The following MAPK7 variants were observed in gnomAD, a reference collection of about 807,000 sequenced individuals.
MAPK7 encodes BMK-1.
MAPK7 carries 30 observed loss-of-function variants against 56.9 expected under a neutral mutation model. The ratio of observed to expected loss-of-function variants is 0.53; its 90% CI spans 0.39 to 0.72. The LOEUF (loss-of-function observed/expected upper bound fraction) is 0.72. Ranked by LOEUF, MAPK7 falls within the 30% of genes least tolerant of loss-of-function variation. The probability of loss-of-function intolerance (pLI) is 0.00; values close to 1 mark genes in which losing one functional copy is unlikely to be tolerated. For synonymous variants in MAPK7, 516 were observed against 449.3 expected (o/e 1.15, Z -1.88); for missense variants, 952 against 1,110.8 (o/e 0.86, Z 2.03).
chr17:19,378,508 A>G lies in MAPK7; in HGVS notation c.-128A>G, dbSNP rs751221795. 9.1e-7 allele frequency: 1 copy of G among 1,093,670 alleles called. No individual in the cohort carries two copies. Among genetic ancestry groups the G allele is most frequent in the Non-Finnish European group, 1.1e-6 (1 of 895,104 alleles). 67.7% of individuals were successfully genotyped at this position (1,093,670 alleles called of 1,614,324 possible). ...CGGAGGGGGACGGACAGGGCAGCTC[A>G]AGACGCTGAGGTGGTGGCTGCGGCC... On this transcript the variant is annotated 5_prime_UTR_variant, in exon 1 of 7. Coordinates refer to ENST00000395604, the MANE Select transcript of MAPK7 (RefSeq NM_002749.4). This position sits in a 1 kb window ranked among gnomAD's most constrained non-coding sequence, Gnocchi z 5.4.
chr17:19,381,076 G>C lies in MAPK7; in HGVS notation c.867G>C (p.Val289=), dbSNP rs768825076. The C allele has an allele frequency of 8.1e-6, 13 of 1,613,972 alleles. No homozygotes were observed. The highest frequency in any genetic ancestry group is 1.3e-5 in the African/African-American group (1 of 74,940). The change falls in exon 4 of 7, where the codon GTG becomes GTC. Residue 289 remains valine (V), a synonymous_variant. Transcript: ENST00000395604. This position sits in a 1 kb window ranked among gnomAD's most constrained non-coding sequence, Gnocchi z 4.6. Reference sequence around the variant, plus strand: ...CATCACCAGCCGTGATTCAGGCTGTGGGGGCTGAGAGGGTGCGGGCCTATA... The same window carrying C: ...CATCACCAGCCGTGATTCAGGCTGTCGGGGCTGAGAGGGTGCGGGCCTATA... ...GTPSPAVIQA[V]GAERVRAYIQ... is the part of the protein sequence containing the mutation.
Position 19,382,259 on chromosome 17 carries a change from C to A in MAPK7, c.1956C>A (p.Pro652=). ...GCCCTCCTGGGCCCATCCCTGTCCC[C>A]GCGCCACCCCAGATTGCCACCTCCA... ...PTGPPGPIPV[P]APPQIATSTS... The change falls in exon 5 of 7, where the codon CCC becomes CCA. Residue 652 remains proline, a synonymous_variant. Coordinates refer to ENST00000395604, the MANE Select transcript of MAPK7 (RefSeq NM_002749.4). 1 of 1,612,330 alleles carries A rather than the reference C, an allele frequency of 6.2e-7. No homozygotes were observed. The highest frequency in any genetic ancestry group is 1.1e-5 in the South Asian group (1 of 91,030).
At position 19,382,345 on chromosome 17, in the gene MAPK7, C is replaced by G. The variant is rs1912782369; in HGVS notation, c.2042C>G (p.Pro681Arg). The change falls in exon 5 of 7, where the codon CCA (proline) becomes CGA (arginine). Residue 681 changes from proline to arginine, a missense_variant. Around this residue, in one of 5 missense-constraint regions of MAPK7, gnomAD observed 234 missense variants for 210.4 expected, o/e 1.11. Coordinates refer to ENST00000395604, the MANE Select transcript of MAPK7 (RefSeq NM_002749.4). The stretch of plus-strand genomic sequence containing the variant: ...CCTGGGCTGCCTGGCTCCAGCACCC[C>G]AGGAGTTTTGCCTTACTTCCCACCT... ...PPPGLPGSST[P>R]GVLPYFPPGL... is the part of the protein sequence containing the mutation. 2 of 1,613,510 alleles carry G rather than the reference C, an allele frequency of 1.2e-6. No individual in the cohort carries two copies. Among genetic ancestry groups the G allele is most frequent in the Non-Finnish European group, 1.7e-6 (2 of 1,180,028 alleles).
chr17:19,378,660 C>A lies in MAPK7; in HGVS notation c.-6+30C>A. The A allele has an allele frequency of 7.1e-7, 1 of 1,406,886 alleles. No individual in the cohort carries two copies. Among genetic ancestry groups the A allele is most frequent in the Non-Finnish European group, 9.2e-7 (1 of 1,084,262 alleles). 87.2% of individuals were successfully genotyped at this position (1,406,886 alleles called of 1,614,324 possible). On this transcript the variant is annotated intron_variant, in intron 1 of 6. Transcript: ENST00000395604. This position sits in a 1 kb window ranked among gnomAD's most constrained non-coding sequence, Gnocchi z 5.4. ...GTGCGGCCCTGAGGAAACCCAGGTG[C>A]CCCGCCCCTCCCTTTCTTCCTGGCC...
Position 19,381,357 on chromosome 17 carries a change from C to G in MAPK7, c.1148C>G (p.Ala383Gly). ...TRERIKEAIV[A>G]EIEDFHARRE... ...GAGCGCATTAAGGAGGCCATTGTGG[C>G]TGAAATTGAGGACTTCCATGCAAGG... The change falls in exon 4 of 7, where the codon GCT becomes GGT. Residue 383 changes from alanine to glycine, a missense_variant. By Grantham distance (60) the Ala-to-Gly change is moderately conservative. Transcript: ENST00000395604. The surrounding 1 kb of genome is among the most constrained non-coding windows in gnomAD (Gnocchi z 4.6). 6.2e-7 allele frequency: 1 copy of G among 1,614,152 alleles called. No individual in the cohort carries two copies. The highest frequency in any genetic ancestry group is 8.5e-7 in the Non-Finnish European group (1 of 1,180,038).
chr17:19,379,228 G>A (rs529303114), intron 2 of MAPK7, 96 bp downstream of exon 2: 4 of 1,110,744 alleles, frequency 3.6e-6, no homozygotes, highest in African/African-American at 1.5e-5. Context: ...AGCGGGGTGC[G>A]AGTTCTGGCT....
chr17:19,382,614 G>A (rs1390544361), intron 5 of MAPK7, 148 bp downstream of exon 5: 2 of 1,471,136 alleles, frequency 1.4e-6, no homozygotes, highest in Non-Finnish European at 1.8e-6. Flanking sequence ...GAGCATAATG[G>A]CAATGAAGAG....
rs1407051865 is a variant in MAPK7 at position 19,382,276 on chromosome 17, C to G, written c.1973C>G (p.Ala658Gly). 2.5e-6 allele frequency: 4 copies of G among 1,612,470 alleles called. No homozygotes were observed. Among genetic ancestry groups the G allele is most frequent in the African/African-American group, 1.3e-5 (1 of 74,870 alleles). ...CCTGTCCCCGCGCCACCCCAGATTG[C>G]CACCTCCACCAGCCTCCTGGCTGCC... is the stretch of plus-strand genomic sequence containing the variant. ...PIPVPAPPQI[A>G]TSTSLLAAQS... Residue 658 changes from alanine (A) to glycine (G), a missense_variant, in exon 5 of 7, where the codon GCC becomes GGC. This residue lies in a region of MAPK7 where 234 missense variants were observed against 210.4 expected (regional missense o/e 1.11). Transcript: ENST00000395604.
At position 19,381,089 on chromosome 17, in the gene MAPK7, G is replaced by T. The variant is rs1912613687; in HGVS notation, c.880G>T (p.Val294Leu). The T allele has an allele frequency of 6.2e-7, 1 of 1,613,972 alleles. No individual in the cohort carries two copies. The highest frequency in any genetic ancestry group is 1.3e-5 in the African/African-American group (1 of 74,936). ...AVIQAVGAER[V>L]RAYIQSLPPR... is the part of the protein sequence containing the mutation. ...GATTCAGGCTGTGGGGGCTGAGAGG[G>T]TGCGGGCCTATATCCAGAGCTTGCC... The change falls in exon 4 of 7, where the codon GTG becomes TTG. Residue 294 changes from valine (V) to leucine (L), a missense_variant. Around this residue, in one of 5 missense-constraint regions of MAPK7, gnomAD observed 429 missense variants for 533.0 expected, o/e 0.80. Transcript: ENST00000395604. This position sits in a 1 kb window ranked among gnomAD's most constrained non-coding sequence, Gnocchi z 4.6.
Position 19,382,315 on chromosome 17 carries a change from C to T in MAPK7, c.2012C>T (p.Pro671Leu). ...TSLLAAQSLV[P>L]PPGLPGSSTP... is the part of the protein sequence containing the mutation. ...CTCCTGGCTGCCCAGTCACTTGTGCCACCCCCTGGGCTGCCTGGCTCCAGC... is the reference window on the plus strand; with the variant it reads ...CTCCTGGCTGCCCAGTCACTTGTGCTACCCCCTGGGCTGCCTGGCTCCAGC... The change falls in exon 5 of 7, where the codon CCA (proline) becomes CTA (leucine). Residue 671 changes from proline (P) to leucine (L), a missense_variant. Around this residue, in one of 5 missense-constraint regions of MAPK7, gnomAD observed 234 missense variants for 210.4 expected, o/e 1.11. Transcript: ENST00000395604. The T allele has an allele frequency of 6.2e-7, 1 of 1,613,334 alleles. No individual in the cohort carries two copies. Among genetic ancestry groups the T allele is most frequent in the Non-Finnish European group, 8.5e-7 (1 of 1,180,008 alleles).
upstream of MAPK7, chr17:19,377,911 G>A (rs1374333787): frequency 2.0e-6 from 2 of 985,300 alleles, no homozygotes; most frequent in Non-Finnish European, 1.2e-6. Context: ...AAGCTGCGGA[G>A]AGGCTCAGCC....
In MAPK7 at chr17:19,383,145, C is replaced by T; in HGVS notation, c.2365C>T (p.Pro789Ser). The T allele has an allele frequency of 6.2e-7, 1 of 1,614,160 alleles. No homozygotes were observed. The highest frequency in any genetic ancestry group is 1.3e-5 in the African/African-American group (1 of 75,046). The change falls in exon 7 of 7, where the codon CCT (proline) becomes TCT (serine). Residue 789 changes from proline (P) to serine (S), a missense_variant. Pro to Ser is a moderately conservative substitution (Grantham distance 74, BLOSUM62 -1). Coordinates refer to ENST00000395604, the MANE Select transcript of MAPK7 (RefSeq NM_002749.4). ...CTGGCTCGAAGGCCATGGCATGAAC[C>T]CTGCCGATATTGAGTCCCTGCAGCG... Reference protein sequence around the residue: ...ADWLEGHGMNPADIESLQREI... With the variant: ...ADWLEGHGMNSADIESLQREI...
rs140488630 is a variant in MAPK7, at chr17:19,382,569, C to T, written c.2163+103C>T. The stretch of plus-strand genomic sequence containing the variant: ...CACAAAAACTGAGCAGCAGATGGGG[C>T]TTTATCTCTGAACGTGTCCTCTTGC... On this transcript the variant is annotated intron_variant, in intron 5 of 6. Transcript: ENST00000395604. The T allele has an allele frequency of 2.2e-3, 3,263 of 1,504,578 alleles. 11 individuals are homozygous for T. Among genetic ancestry groups the T allele is most frequent in the Non-Finnish European group, 2.5e-3 (2,803 of 1,134,000 alleles). 93.2% of individuals were successfully genotyped at this position (1,504,578 alleles called of 1,614,324 possible).
chr17:19,381,707 G>C lies in MAPK7; in HGVS notation c.1477+21G>C. ...CAGAGGTGCCTTGTGGGCAGGTCGG[G>C]TGGGCAGAGGGGAGACTTGGACTTG... On this transcript the variant is annotated intron_variant, in intron 4 of 6. Coordinates refer to ENST00000395604, the MANE Select transcript of MAPK7 (RefSeq NM_002749.4). The surrounding 1 kb of genome is among the most constrained non-coding windows in gnomAD (Gnocchi z 4.6). 6.4e-7 allele frequency: 1 copy of C among 1,556,322 alleles called. No individual in the cohort carries two copies. The highest frequency in any genetic ancestry group is 2.0e-5 in the Admixed American group (1 of 51,106).
Position 19,379,873 on chromosome 17 carries a change from C to T in MAPK7, c.324C>T (p.His108=), listed in dbSNP as rs369941320. Residue 108 remains histidine, a synonymous_variant, in exon 3 of 7, where the codon CAC becomes CAT. Transcript: ENST00000395604. ...RTLRELKILK[H]FKHDNIIAIK... ...TCAGGGAGCTGAAGATCCTCAAGCA[C>T]TTTAAACACGACAACATCATCGCCA... 1.1e-5 allele frequency: 17 copies of T among 1,614,136 alleles called. No homozygotes were observed. The highest frequency in any genetic ancestry group is 1.4e-5 in the Non-Finnish European group (17 of 1,180,054).
At position 19,381,001 on chromosome 17, in the gene MAPK7, C is replaced by A; in HGVS notation, c.792C>A (p.Gly264=). The change falls in exon 4 of 7, where the codon GGC becomes GGA. Residue 264 remains glycine (G), a synonymous_variant. Transcript: ENST00000395604. The surrounding 1 kb of genome is among the most constrained non-coding windows in gnomAD (Gnocchi z 4.6). ...TGGCCCGGCGCCAGCTCTTCCCAGG[C>A]AAAAACTATGTACACCAGCTACAGC... The part of the protein sequence containing the change: ...EMLARRQLFP[G]KNYVHQLQLI... The A allele has an allele frequency of 6.2e-7, 1 of 1,614,158 alleles. No individual in the cohort carries two copies. Among genetic ancestry groups the A allele is most frequent in the Non-Finnish European group, 8.5e-7 (1 of 1,180,028 alleles).
At position 19,379,138 on chromosome 17, in the gene MAPK7, C is replaced by G. The variant is rs1214279605; in HGVS notation, c.232+6C>G. ...CGCCCGCCGCCGCCTCACCGGTGAGCTTCCTGAGCCGTCGCCTCCCAGATG... is the reference window on the plus strand; with the variant it reads ...CGCCCGCCGCCGCCTCACCGGTGAGGTTCCTGAGCCGTCGCCTCCCAGATG... On this transcript the variant is annotated splice_donor_region_variant and intron_variant, in intron 2 of 6. Coordinates refer to ENST00000395604, the MANE Select transcript of MAPK7 (RefSeq NM_002749.4). 8 of 1,610,246 alleles carry G rather than the reference C, an allele frequency of 5.0e-6. No individual in the cohort carries two copies. Among genetic ancestry groups the G allele is most frequent in the Non-Finnish European group, 6.8e-6 (8 of 1,178,624 alleles).
In MAPK7 at chr17:19,380,949, C is replaced by G. The variant is rs375465225; in HGVS notation, c.740C>G (p.Ser247Cys). 2.9e-5 allele frequency: 47 copies of G among 1,614,092 alleles called. No homozygotes were observed. The highest frequency in any genetic ancestry group is 4.0e-5 in the African/African-American group (3 of 74,950). ...TATACACAGGCTATTGACCTCTGGT[C>G]TGTGGGCTGCATCTTTGGTGAGATG... ...HEYTQAIDLWSVGCIFGEMLA... is the reference protein window; with the variant it reads ...HEYTQAIDLWCVGCIFGEMLA... The change falls in exon 4 of 7, where the codon TCT becomes TGT. Residue 247 changes from serine (S) to cysteine (C), a missense_variant. Coordinates refer to ENST00000395604, the MANE Select transcript of MAPK7 (RefSeq NM_002749.4).
Position 19,382,085 on chromosome 17 carries a change from G to GCCAACC in MAPK7, c.1792_1797dup (p.Thr598_Pro599dup), listed in dbSNP as rs755855422. On this transcript the variant is annotated inframe_insertion, in exon 5 of 7. Coordinates refer to ENST00000395604, the MANE Select transcript of MAPK7 (RefSeq NM_002749.4). ...TGCCGGCCCCTGCCCCAGCGCCAAC[G>GCCAACC]CCAACCCCAACCCCAGTCCAACCTA... The GCCAACC allele has an allele frequency of 1.4e-5, 22 of 1,605,482 alleles. No individual in the cohort carries two copies. The highest frequency in any genetic ancestry group is 6.7e-5 in the East Asian group (3 of 44,546).
Sources: allele counts gnomAD v4.1 joint callset, GRCh38; gene constraint gnomAD v4.1.1; regional missense constraint gnomAD v4.1.1; non-coding constraint Gnocchi (gnomAD v3.1); transcripts MANE v1.5; gene names NCBI Gene and HGNC (gene_info 2026-07-23, HGNC 2026-07-21).